The following LTBP2 variants were observed in gnomAD, a reference collection of about 807,000 sequenced individuals.
The protein encoded by LTBP2 is latent-transforming growth factor beta-binding protein 2.
LTBP2 carries 103 observed loss-of-function variants against 210.6 expected under a neutral mutation model. That is an observed-to-expected ratio of 0.49 (90% CI 0.42 to 0.58). LTBP2 has a LOEUF of 0.58. Ranked by LOEUF, LTBP2 falls within the 20% of genes least tolerant of loss-of-function variation. The pLI is 0.00. For synonymous variants in LTBP2, 1,007 were observed against 1,015.0 expected (o/e 0.99, Z 0.15); for missense variants, 2,313 against 2,494.5 (o/e 0.93, Z 1.55).
At chr14:74,525,075 A>C (rs760846707) in intron 15 of LTBP2, 49 bp downstream of exon 15, 5 of 1,079,376 alleles carry the variant, frequency 4.6e-6, no homozygotes, top group Non-Finnish European at 3.7e-6. Flanking sequence ...GGACAGACAC[A>C]GCTCACAGGG....
intron 3 of LTBP2, among the ~76,000 whole-genome samples, chr14:74,581,718 C>G (rs1053391617): frequency 6.6e-6 from 1 of 152,094 alleles, no homozygotes; most frequent in Non-Finnish European, 1.5e-5. Context: ...CTGGTGAGAC[C>G]CGTTTCAGAT....
chr14:74,503,553 C>T lies in LTBP2; in HGVS notation c.4636G>A (p.Glu1546Lys). ...ACENGECVNT[E>K]GSFHCFCSPP... Reference sequence around the variant, plus strand: ...CTGCAGAAGCAGTGGAAGGAGCCCTCCGTGTTGACGCACTCGCCATTCTCA... The same window carrying T: ...CTGCAGAAGCAGTGGAAGGAGCCCTTCGTGTTGACGCACTCGCCATTCTCA... The change falls in exon 32 of 36, where the codon GAG becomes AAG. Residue 1546 changes from glutamate (E) to lysine (K), a missense_variant. Coordinates refer to ENST00000261978, the MANE Select transcript of LTBP2 (RefSeq NM_000428.3). The T allele has an allele frequency of 6.2e-7, 1 of 1,613,834 alleles. No individual in the cohort carries two copies. Among genetic ancestry groups the T allele is most frequent in the Non-Finnish European group, 8.5e-7 (1 of 1,179,988 alleles).
At position 74,526,297 on chromosome 14, in the gene LTBP2, C is replaced by G. The variant is rs545014740; in HGVS notation, c.2389-183G>C. Among the ~76,000 whole-genome samples the G allele has an allele frequency of 1.6e-4, 24 of 152,374 alleles. No individual in the cohort carries two copies. The South Asian group carries it at 4.8e-3, about 30-fold the overall frequency. On this transcript the variant is annotated intron_variant, in intron 13 of 35. Coordinates refer to ENST00000261978, the MANE Select transcript of LTBP2 (RefSeq NM_000428.3). ...CATTCTGCCAGGCACTTTACACACA[C>G]TCACTTCATTAACCTTCTCAACTAT...
At chr14:74,545,555 A>C (rs1010600664) in intron 8 of LTBP2, among the ~76,000 whole-genome samples, 4 of 152,228 alleles carry the variant, frequency 2.6e-5, no homozygotes, top group African/African-American at 9.6e-5. Flanking sequence ...CCACCACTGT[A>C]GGCCCTGAGC....
chr14:74,528,212 G>T (rs965905988), intron 12 of LTBP2, among the ~76,000 whole-genome samples: 1 of 152,206 alleles, frequency 6.6e-6, no homozygotes, highest in Non-Finnish European at 1.5e-5. Flanking sequence ...AGGCCTGATC[G>T]CTGGGGTGGG....
intron 8 of LTBP2, among the ~76,000 whole-genome samples, chr14:74,540,140 C>A (rs1454015874): frequency 6.6e-6 from 1 of 152,140 alleles, no homozygotes; most frequent in Non-Finnish European, 1.5e-5. Context: ...GGGGCTAGTT[C>A]CTAGCTTCTG....
intron 17 of LTBP2, among the ~76,000 whole-genome samples, chr14:74,521,047 G>A (rs1211671416): frequency 6.6e-6 from 1 of 152,220 alleles, no homozygotes; most frequent in Non-Finnish European, 1.5e-5. Context: ...TAAGTTAGGA[G>A]GTCTGCCCCT....
intron 1 of LTBP2, among the ~76,000 whole-genome samples, chr14:74,608,407 G>C (rs1595306428): frequency 1.3e-5 from 2 of 151,896 alleles, no homozygotes; most frequent in Admixed American, 1.3e-4. Flanking sequence ...CTGTGAGGCT[G>C]GTTCAAAAAA....
chr14:74,535,428 C>G (rs1462190821), intron 9 of LTBP2, among the ~76,000 whole-genome samples: 2 of 152,204 alleles, frequency 1.3e-5, no homozygotes, highest in Non-Finnish European at 1.5e-5. Flanking sequence ...AGGCAGGAAG[C>G]CCCCGTGCTC....
Position 74,611,809 on chromosome 14 carries a change from C to T in LTBP2, c.136G>A (p.Ala46Thr). 2.5e-6 allele frequency: 4 copies of T among 1,611,706 alleles called. No individual in the cohort carries two copies. In the South Asian group the frequency reaches 3.3e-5, roughly 13 times the overall value. Residue 46 changes from alanine (A) to threonine (T), a missense_variant, in exon 1 of 36, where the codon GCT becomes ACT. By Grantham distance (58) the Ala-to-Thr change is moderately conservative. Coordinates refer to ENST00000261978, the MANE Select transcript of LTBP2 (RefSeq NM_000428.3). ...CGCAGTCGATTCGCGTCTCCACCAGCCGGCTCGTATCTCCCTACGGGGTCC... is the reference window on the plus strand; with the variant it reads ...CGCAGTCGATTCGCGTCTCCACCAGTCGGCTCGTATCTCCCTACGGGGTCC... ...QRDPVGRYEP[A>T]GGDANRLRRP...
intron 17 of LTBP2, among the ~76,000 whole-genome samples, chr14:74,520,429 TA>T (rs1222606544): frequency 6.6e-6 from 1 of 152,230 alleles, no homozygotes; most frequent in African/African-American, 2.4e-5. Context: ...AGGATTTCCA[TA>T]ACATGGAGTT....
intron 28 of LTBP2, 39 bp from the exon 29 acceptor site, chr14:74,505,213 C>A (rs773678118): frequency 1.9e-6 from 3 of 1,600,032 alleles, no homozygotes; most frequent in Non-Finnish European, 2.6e-6. Flanking sequence ...TGTTCATGAC[C>A]CTCTAAGGGG....
At position 74,510,054 on chromosome 14, in the gene LTBP2, C is replaced by T. The variant is rs368874829; in HGVS notation, c.3151+37G>A. 1.2e-4 allele frequency: 200 copies of T among 1,613,634 alleles called. 1 individual carries two copies. The highest frequency in any genetic ancestry group is 1.5e-4 in the Non-Finnish European group (175 of 1,179,972). Reference sequence around the variant, plus strand: ...GAGGGGAGGGAGCCACAAGCTGGATCGGCCTGCGGAGAAGGGGCGCTTCAG... The same window carrying T: ...GAGGGGAGGGAGCCACAAGCTGGATTGGCCTGCGGAGAAGGGGCGCTTCAG... On this transcript the variant is annotated intron_variant, in intron 20 of 35. Coordinates refer to ENST00000261978, the MANE Select transcript of LTBP2 (RefSeq NM_000428.3).
chr14:74,524,613 C>T (rs1566623169), intron 15 of LTBP2, among the ~76,000 whole-genome samples: 1 of 152,170 alleles, frequency 6.6e-6, no homozygotes, highest in Non-Finnish European at 1.5e-5. Flanking sequence ...CCACACCCGC[C>T]CCTCGCCCCC....
At chr14:74,564,359 A>ATATATATT (rs796384096) in intron 3 of LTBP2, among the ~76,000 whole-genome samples, 7,652 of 16,730 alleles carry the variant, frequency 0.46, 2,566 homozygotes, top group East Asian at 0.78. Flanking sequence ...ATATATTTAT[A>ATATATATT]TATATATTTA....
At chr14:74,537,743 TTTCTTCTTC>T (rs200689325) in intron 8 of LTBP2, among the ~76,000 whole-genome samples, 1 of 152,002 alleles carries the variant, frequency 6.6e-6, no homozygotes, top group Non-Finnish European at 1.5e-5. Flanking sequence ...TTCTTCATAT[TTTCTTCTTC>T]TTCTTCTTCT....
At chr14:74,589,461 C>A (rs983825427) in intron 2 of LTBP2, among the ~76,000 whole-genome samples, 2 of 152,202 alleles carry the variant, frequency 1.3e-5, no homozygotes, top group African/African-American at 4.8e-5. Context: ...AATAGCATTC[C>A]AACCACAAGT....
Position 74,508,605 on chromosome 14 carries a change from C to T in LTBP2, c.3651G>A (p.Gln1217=). 5 of 1,606,436 alleles carry T rather than the reference C, an allele frequency of 3.1e-6. No individual in the cohort carries two copies. The highest frequency in any genetic ancestry group is 1.1e-5 in the South Asian group (1 of 90,974). ...FVSAEGGTSC[Q]DVDECATTDP... is the part of the protein sequence containing the mutation. ...GAGGTAGCTGTGCTGGCTTCTCACC[C>T]TGGCAGCTGGTGCCCCCCTCTGCGC... The change falls in exon 24 of 36, where the codon CAG becomes CAA. Residue 1217 remains glutamine, a splice_region_variant and synonymous_variant. Coordinates refer to ENST00000261978, the MANE Select transcript of LTBP2 (RefSeq NM_000428.3).
At chr14:74,558,242 A>G (rs2087753185) in intron 3 of LTBP2, among the ~76,000 whole-genome samples, 1 of 152,270 alleles carries the variant, frequency 6.6e-6, no homozygotes, top group Non-Finnish European at 1.5e-5. Flanking sequence ...AAAAAACACA[A>G]AAATTAGCCG....
Sources: allele counts gnomAD v4.1 joint callset (sites outside exome capture counted in the v4.1 genomes callset), GRCh38; gene constraint gnomAD v4.1.1; transcripts MANE v1.5; gene names NCBI Gene and HGNC (gene_info 2026-07-23, HGNC 2026-07-21).